Variants in CFAP251 observed in about 807,000 individuals in gnomAD.
The protein encoded by CFAP251 is cilia- and flagella-associated protein 251.
Under a neutral mutation model 126.7 loss-of-function variants are expected in CFAP251, and 93 were observed. That is an observed-to-expected ratio of 0.73 (90% CI 0.62 to 0.87). CFAP251 has a LOEUF of 0.87. CFAP251 is among the 40% of genes least tolerant of loss of function. The pLI is 0.00. For missense variants in CFAP251, 1,287 were observed against 1,389.2 expected, an observed-to-expected ratio of 0.93 and a Z score of 1.17; for synonymous variants, 503 against 506.9, an observed-to-expected ratio of 0.99 and a Z score of 0.10.
rs1481515614 is a variant in CFAP251 at position 122,003,633 on chromosome 12, C to G, written c.3338-19C>G. ...AATCATCATGAAGGCATTTGGTGTTCTTTTCTTGTTTTGGCTAGGTTCAGA... is the reference window on the plus strand; with the variant it reads ...AATCATCATGAAGGCATTTGGTGTTGTTTTCTTGTTTTGGCTAGGTTCAGA... On this transcript the variant is annotated intron_variant, in intron 21 of 21. Coordinates refer to ENST00000288912, the MANE Select transcript of CFAP251 (RefSeq NM_144668.6). The G allele has an allele frequency of 6.3e-7, 1 of 1,590,758 alleles. No homozygotes were observed. The highest frequency in any genetic ancestry group is 1.3e-5 in the African/African-American group (1 of 74,204).
intron 3 of CFAP251, among the ~76,000 whole-genome samples, chr12:121,928,443 C>T (rs1880502821): frequency 6.6e-6 from 1 of 151,494 alleles, no homozygotes; most frequent in African/African-American, 2.4e-5. Flanking sequence ...ACATTACCTG[C>T]TATGTCTGTC....
intron 15 of CFAP251, among the ~76,000 whole-genome samples, chr12:121,966,408 G>A (rs912914474): frequency 7.8e-4 from 95 of 121,076 alleles, no homozygotes; most frequent in African/African-American, 2.8e-3. Context: ...CTACAGGCGC[G>A]CACCACTATG....
At chr12:121,952,240 T>TAAAAAAAAAA (rs558861973) in intron 9 of CFAP251, among the ~76,000 whole-genome samples, 11 of 92,082 alleles carry the variant, frequency 1.2e-4, no homozygotes, top group South Asian at 4.5e-4. Context: ...TCGTTTCTAC[T>TAAAAAAAAAA]AAAAAAAAAA....
intron 2 of CFAP251, 29 bp downstream of exon 2, chr12:121,921,712 A>G (rs1255417508): frequency 7.6e-6 from 12 of 1,579,658 alleles, no homozygotes; most frequent in Admixed American, 1.8e-5. Context: ...TCATTCATCA[A>G]TTCATTCAGA....
chr12:121,954,408 C>T, intron 10 of CFAP251, 74 bp downstream of exon 10: 2 of 1,346,178 alleles, frequency 1.5e-6, no homozygotes, highest in Non-Finnish European at 2.0e-6. Context: ...GGAGGTTGGG[C>T]ACAGTGGCTT....
intron 17 of CFAP251, chr12:121,969,246 G>A (rs1009753951): frequency 1.5e-5 from 15 of 985,236 alleles, no homozygotes; most frequent in African/African-American, 3.5e-5. Context: ...AAAAATAGCC[G>A]GTTAAATCTG....
intron 2 of CFAP251, among the ~76,000 whole-genome samples, chr12:121,922,176 C>T (rs868186859): frequency 3.4e-5 from 5 of 148,464 alleles, no homozygotes; most frequent in African/African-American, 1.2e-4. Context: ...GGCGTGATCT[C>T]GGCTCACTGC....
Position 121,957,213 on chromosome 12 carries a change from G to C in CFAP251, c.1675G>C (p.Glu559Gln). ...FSKTPATPPT[E>Q]KSNYPPDCTL... ...AAAGACCCCAGCAACTCCTCCTACT[G>C]AAAAATCAAACTATCCTCCTGACTG... is the stretch of plus-strand genomic sequence containing the variant. Residue 559 changes from glutamate (E) to glutamine (Q), a missense_variant, in exon 11 of 22, where the codon GAA becomes CAA. By Grantham distance (29) the Glu-to-Gln change is conservative. Transcript: ENST00000288912. The C allele has an allele frequency of 6.2e-7, 1 of 1,613,882 alleles. No homozygotes were observed. Among genetic ancestry groups the C allele is most frequent in the Non-Finnish European group, 8.5e-7 (1 of 1,179,920 alleles).
At position 121,921,518 on chromosome 12, in the gene CFAP251, G is replaced by A; in HGVS notation, c.213G>A (p.Lys71=). The change falls in exon 2 of 22, where the codon AAG becomes AAA. Residue 71 remains lysine (K), a synonymous_variant. Transcript: ENST00000288912. ...EGEEEGKEDK[K]IVMEETEEKA... is the part of the protein sequence containing the mutation. ...AGGAGGAGGGGAAGGAGGACAAAAA[G>A]ATTGTCATGGAAGAAACTGAGGAAA... 5 of 1,613,902 alleles carry A rather than the reference G, an allele frequency of 3.1e-6. No individual in the cohort carries two copies. The highest frequency in any genetic ancestry group is 3.4e-6 in the Non-Finnish European group (4 of 1,179,898).
chr12:121,983,025 A>G (rs911416557), intron 19 of CFAP251, among the ~76,000 whole-genome samples: 1 of 152,170 alleles, frequency 6.6e-6, no homozygotes, highest in African/African-American at 2.4e-5. Context: ...TGAGCCTAGG[A>G]GTTCAAGACC....
At chr12:121,921,212 A>C in intron 1 of CFAP251, 74 bp from the exon 2 acceptor site, 1 of 1,432,786 alleles carries the variant, frequency 7.0e-7, no homozygotes, top group African/African-American at 1.4e-5. Context: ...ACATTTCATC[A>C]GTAGGTTAGT....
Position 121,968,098 on chromosome 12 carries a change from C to G in CFAP251, c.2700C>G (p.Ser900=). 1.2e-6 allele frequency: 2 copies of G among 1,613,800 alleles called. No individual in the cohort carries two copies. The highest frequency in any genetic ancestry group is 1.7e-6 in the Non-Finnish European group (2 of 1,179,742). ...HPNGVAGMAV[S]YDGCYAFTAG... ...ACGGGGTGGCCGGCATGGCCGTTTC[C>G]TATGATGGCTGCTACGCCTTCACTG... Residue 900 remains serine (S), a synonymous_variant, in exon 17 of 22, where the codon TCC becomes TCG. Transcript: ENST00000288912.
At chr12:121,966,157 C>T (rs1317414860) in intron 15 of CFAP251, among the ~76,000 whole-genome samples, 5 of 36,552 alleles carry the variant, frequency 1.4e-4, no homozygotes, top group South Asian at 1.9e-3. Flanking sequence ...CCCTCCCCTC[C>T]CCTCCCCTCC....
chr12:121,969,995 A>G, intron 17 of CFAP251: 1 of 975,490 alleles, frequency 1.0e-6, no homozygotes, highest in African/African-American at 1.7e-5. Context: ...TAATATGATC[A>G]GCACTTCACT....
intron 5 of CFAP251, among the ~76,000 whole-genome samples, chr12:121,938,071 C>G (rs1880959488): frequency 6.6e-6 from 1 of 152,106 alleles, no homozygotes; most frequent in South Asian, 2.1e-4. Flanking sequence ...GTGGTGTGAT[C>G]ATGGCTCACT....
intron 4 of CFAP251, chr12:121,933,616 G>C (rs560510310): frequency 6.6e-6 from 1 of 152,648 alleles, no homozygotes; most frequent in African/African-American, 2.4e-5. Flanking sequence ...CCAGGAGTTT[G>C]AGGCCAGCCT....
chr12:121,957,313 T>A, intron 11 of CFAP251, 45 bp downstream of exon 11: 1 of 1,550,700 alleles, frequency 6.4e-7, no homozygotes, highest in Non-Finnish European at 8.7e-7. Context: ...TGAAAAATGA[T>A]CACTGTCTTC....
intron 3 of CFAP251, among the ~76,000 whole-genome samples, chr12:121,928,669 C>T (rs59507380): frequency 1.2e-3 from 19 of 15,756 alleles, no homozygotes; most frequent in African/African-American, 1.6e-3. Flanking sequence ...TATATATATA[C>T]GTATATATAT....
chr12:121,969,041 C>A, intron 17 of CFAP251: 1 of 985,334 alleles, frequency 1.0e-6, no homozygotes, highest in Non-Finnish European at 1.2e-6. Context: ...AGCCCCTGCG[C>A]TGCCTGTGGC....
Sources: gnomAD v4.1 joint callset for allele counts (sites outside exome capture counted in the v4.1 genomes callset) on GRCh38, gnomAD v4.1.1 for gene constraint, MANE v1.5 for transcripts, NCBI Gene and HGNC (gene_info 2026-07-23, HGNC 2026-07-21) for gene names.